The following GRIP1 variants were observed in gnomAD, a reference collection of about 807,000 sequenced individuals.
GRIP1 encodes the protein glutamate receptor interacting protein 1, also known as glutamate receptor-interacting protein 1.
GRIP1 carries 45 observed loss-of-function variants against 129.9 expected under a neutral mutation model. The observed-to-expected ratio is 0.35, with a 90% CI of 0.27 to 0.44. The LOEUF (loss-of-function observed/expected upper bound fraction) is 0.44, where lower values mean the gene tolerates loss of function less well. Among genes scored for constraint, GRIP1 ranks in the 20% least tolerant of loss-of-function variants. GRIP1 has a pLI of 1.00. For missense variants in GRIP1, 1,196 were observed against 1,396.8 expected (o/e 0.86, Z 2.29); for synonymous variants, 530 against 520.8 (o/e 1.02, Z -0.24).
At position 67,041,155 on chromosome 12, in the gene GRIP1, T is replaced by TTC. The variant is rs889959180; in HGVS notation, c.58+27893_58+27894dup. On this transcript the variant is annotated intron_variant, in intron 1 of 1. Transcript: ENST00000643019. ...ACTTCCTTAAAATCAATCTCTCTCT[T>TTC]TCTCTCTCTCTCTCTATATGTACAC... 8.8e-4 allele frequency among the ~76,000 whole-genome samples: 133 copies of TTC among 151,118 alleles called. 1 individual carries two copies. The highest frequency in any genetic ancestry group is 3.1e-3 in the African/African-American group (128 of 41,222).
intron 1 of GRIP1, among the ~76,000 whole-genome samples, chr12:66,955,018 G>A (rs550668514): frequency 6.6e-6 from 1 of 152,170 alleles, no homozygotes; most frequent in African/African-American, 2.4e-5. Flanking sequence ...AGTTAGCCAT[G>A]AAGACATTTA....
Position 66,611,647 on chromosome 12 carries a change from A to G in GRIP1, c.56-14720T>C, listed in dbSNP as rs535228335. On this transcript the variant is annotated intron_variant, in intron 1 of 24. Coordinates refer to ENST00000359742, the MANE Select transcript of GRIP1 (RefSeq NM_001366722.1). ...TTAAAGATTGATGTATAGCCACTAA[A>G]TGATCTCTTCTCATTTAGACTGAAT... Among the ~76,000 whole-genome samples, 326 of 152,318 alleles carry G rather than the reference A, an allele frequency of 2.1e-3. 2 individuals carry two copies. The highest frequency in any genetic ancestry group is 7.5e-3 in the African/African-American group (310 of 41,578).
At position 66,579,600 on chromosome 12, in the gene GRIP1, C is replaced by T. The variant is rs977975151; in HGVS notation, c.136+17247G>A. ...GCTGAAAGCCAAGGCTCGAGAACTA[C>T]GTAAAGAATGCAGAAGCCTCAGGAG... On this transcript the variant is annotated intron_variant, in intron 2 of 24. Coordinates refer to ENST00000359742, the MANE Select transcript of GRIP1 (RefSeq NM_001366722.1). Among the ~76,000 whole-genome samples, 20 of 152,136 alleles carry T rather than the reference C, an allele frequency of 1.3e-4. No individual in the cohort carries two copies. The East Asian group carries it at 2.9e-3, about 22-fold the overall frequency.
chr12:67,014,710 A>T (rs530518150), intron 1 of GRIP1, among the ~76,000 whole-genome samples: 4 of 152,226 alleles, frequency 2.6e-5, no homozygotes, highest in African/African-American at 9.6e-5. Context: ...GCTCAGAATA[A>T]TCTGGGAAAA....
intron 16 of GRIP1, among the ~76,000 whole-genome samples, chr12:66,400,518 C>A (rs2056948149): frequency 1.3e-5 from 2 of 152,022 alleles, no homozygotes; most frequent in Non-Finnish European, 2.9e-5. Context: ...ATTTGAAGCC[C>A]AAAATATGAA....
At chr12:66,623,287 CT>C (rs934610571) in intron 1 of GRIP1, among the ~76,000 whole-genome samples, 1 of 152,090 alleles carries the variant, frequency 6.6e-6, no homozygotes, top group Non-Finnish European at 1.5e-5. Flanking sequence ...GTCATAAGCA[CT>C]TTATAAGTAT....
intron 1 of GRIP1, among the ~76,000 whole-genome samples, chr12:66,769,254 T>C (rs2037741786): frequency 6.6e-6 from 1 of 151,898 alleles, no homozygotes; most frequent in Admixed American, 6.6e-5. Flanking sequence ...CTTTAGCCTT[T>C]CTGAAAGTGT....
intron 1 of GRIP1, among the ~76,000 whole-genome samples, chr12:66,838,272 T>C (rs571585901): frequency 1.3e-5 from 2 of 151,960 alleles, no homozygotes; most frequent in Non-Finnish European, 2.9e-5. Flanking sequence ...AGTGGGTGAG[T>C]TATATTCTCC....
At chr12:66,824,152 T>C (rs2039368543) in intron 1 of GRIP1, among the ~76,000 whole-genome samples, 1 of 152,050 alleles carries the variant, frequency 6.6e-6, no homozygotes, top group Non-Finnish European at 1.5e-5. Flanking sequence ...TTTGAAAAGG[T>C]GGGTGGGGCA....
At chr12:67,026,178 CTT>C (rs1305891994) in intron 1 of GRIP1, among the ~76,000 whole-genome samples, 8 of 152,036 alleles carry the variant, frequency 5.3e-5, no homozygotes, top group African/African-American at 1.4e-4. Context: ...CAACTATGCT[CTT>C]TGTTTAAAAA....
intron 2 of GRIP1, among the ~76,000 whole-genome samples, chr12:66,550,137 T>C (rs2139301134): frequency 6.6e-6 from 1 of 152,326 alleles, no homozygotes; most frequent in African/African-American, 2.4e-5. Flanking sequence ...ATCAGTTATT[T>C]AATTGTCAAA....
At chr12:66,466,618 T>C (rs2059293825) in intron 7 of GRIP1, among the ~76,000 whole-genome samples, 2 of 152,222 alleles carry the variant, frequency 1.3e-5, no homozygotes, top group Non-Finnish European at 1.5e-5. Flanking sequence ...TAAAACTTTC[T>C]AAGCCTGCTT....
At chr12:66,549,023 G>C (rs1458279535) in intron 2 of GRIP1, among the ~76,000 whole-genome samples, 1 of 152,166 alleles carries the variant, frequency 6.6e-6, no homozygotes, top group East Asian at 1.9e-4. Context: ...ACTATTAACT[G>C]CAGAGATTTT....
At chr12:67,006,240 A>G (rs144943022) in intron 1 of GRIP1, among the ~76,000 whole-genome samples, 1 of 152,194 alleles carries the variant, frequency 6.6e-6, no homozygotes, top group Non-Finnish European at 1.5e-5. Flanking sequence ...GCCTGTGTCC[A>G]GTCAAGTAGG....
At chr12:67,039,783 A>C (rs1468940386) in intron 1 of GRIP1, among the ~76,000 whole-genome samples, 1 of 152,200 alleles carries the variant, frequency 6.6e-6, no homozygotes, top group Non-Finnish European at 1.5e-5. Context: ...GCACAGTTCT[A>C]GGCCTTCTTG....
upstream of GRIP1, among the ~76,000 whole-genome samples, chr12:66,805,852 T>C (rs1210399116): frequency 6.6e-6 from 1 of 152,158 alleles, no homozygotes; most frequent in Non-Finnish European, 1.5e-5. Flanking sequence ...CCATTTTGTA[T>C]GCCTTAGGAG....
intron 1 of GRIP1, among the ~76,000 whole-genome samples, chr12:66,825,814 G>A (rs143114262): frequency 9.2e-5 from 14 of 152,272 alleles, no homozygotes; most frequent in African/African-American, 3.4e-4. Context: ...TATATCAATG[G>A]AATAAAATTT....
At chr12:66,724,798 C>G (rs1054381066) in intron 1 of GRIP1, among the ~76,000 whole-genome samples, 25 of 152,250 alleles carry the variant, frequency 1.6e-4, no homozygotes, top group Admixed American at 1.6e-3. Context: ...CCTTTGTCTG[C>G]AGAAGTGGAA....
intron 1 of GRIP1, among the ~76,000 whole-genome samples, chr12:66,697,016 C>T (rs115762438): frequency 5.3e-5 from 8 of 152,166 alleles, no homozygotes; most frequent in African/African-American, 1.9e-4. Context: ...AACTTCTGTA[C>T]AACAGTGAAG....
Sources: gnomAD v4.1 joint callset for allele counts (sites outside exome capture counted in the v4.1 genomes callset) on GRCh38, gnomAD v4.1.1 for gene constraint, MANE v1.5 for transcripts, NCBI Gene and HGNC (gene_info 2026-07-23, HGNC 2026-07-21) for gene names.